Variants in SLC25A21 observed in about 807,000 individuals in gnomAD.
The protein encoded by SLC25A21 is solute carrier family 25 member 21.
Under a neutral mutation model 43.8 loss-of-function variants are expected in SLC25A21, and 47 were observed. The ratio of observed to expected loss-of-function variants is 1.07; its 90% confidence interval spans 0.85 to 1.37. The LOEUF (loss-of-function observed/expected upper bound fraction) is 1.37, where lower values mean the gene tolerates loss of function less well. Among genes scored for constraint, SLC25A21 ranks in the 40% most tolerant of loss-of-function variants. The pLI is 0.00. For synonymous variants in SLC25A21, 131 were observed against 121.3 expected, an observed-to-expected ratio of 1.08 and a Z score of -0.52; for missense variants, 352 against 350.2, an observed-to-expected ratio of 1.00 and a Z score of -0.04.
chr14:36,941,797 T>C (rs1475042958), intron 1 of SLC25A21, among the ~76,000 whole-genome samples: 2 of 152,044 alleles, frequency 1.3e-5, no homozygotes, highest in Non-Finnish European at 2.9e-5. Context: ...AATAAAATAC[T>C]TAAATACATA....
intron 1 of SLC25A21, among the ~76,000 whole-genome samples, chr14:37,037,912 T>C (rs551279215): frequency 6.6e-6 from 1 of 152,240 alleles, no homozygotes; most frequent in South Asian, 2.1e-4. Flanking sequence ...CTTGGGAAAA[T>C]GGTTCTGTAT....
At chr14:36,994,777 C>T (rs1206838116) in intron 1 of SLC25A21, among the ~76,000 whole-genome samples, 1 of 152,128 alleles carries the variant, frequency 6.6e-6, no homozygotes, top group East Asian at 1.9e-4. Context: ...CACGAACCTC[C>T]TGCCTAGCAC....
Position 36,917,555 on chromosome 14 carries a change from C to T in SLC25A21, c.71-42551G>A, listed in dbSNP as rs192525856. On this transcript the variant is annotated intron_variant, in intron 1 of 9. Coordinates refer to ENST00000331299, the MANE Select transcript of SLC25A21 (RefSeq NM_030631.4). The stretch of plus-strand genomic sequence containing the variant: ...ATATTTTTTTCTTCAGCAACTACCA[C>T]ATGCATGGTGCATAGGAGGCAATTT... Among the ~76,000 whole-genome samples the T allele has an allele frequency of 1.7e-3, 256 of 152,246 alleles. 6 individuals are homozygous for T. The highest frequency in any genetic ancestry group is 0.014 in the Admixed American group (215 of 15,276).
At chr14:37,001,207 C>A (rs561699497) in intron 1 of SLC25A21, among the ~76,000 whole-genome samples, 2 of 152,264 alleles carry the variant, frequency 1.3e-5, no homozygotes, top group South Asian at 2.1e-4. Flanking sequence ...GTAGCTTCAG[C>A]ACATAGAATT....
chr14:36,711,541 A>C, intron 6 of SLC25A21, 59 bp from the exon 7 acceptor site: 3 of 1,523,510 alleles, frequency 2.0e-6, no homozygotes, highest in Non-Finnish European at 2.7e-6. Context: ...AATACAGTAA[A>C]TTACCGTATT....
chr14:37,096,796 T>A (rs1444959211), intron 1 of SLC25A21, among the ~76,000 whole-genome samples: 1 of 152,160 alleles, frequency 6.6e-6, no homozygotes, highest in Non-Finnish European at 1.5e-5. Flanking sequence ...TGGTTGACTT[T>A]CCTCAAAACA....
At chr14:36,712,586 G>A (rs1202146861) in intron 6 of SLC25A21, among the ~76,000 whole-genome samples, 1 of 152,120 alleles carries the variant, frequency 6.6e-6, no homozygotes, top group East Asian at 1.9e-4. Context: ...ATTTAAATGA[G>A]CTTGTTTATA....
At chr14:36,956,083 C>T (rs927952529) in intron 1 of SLC25A21, among the ~76,000 whole-genome samples, 3 of 152,142 alleles carry the variant, frequency 2.0e-5, no homozygotes, top group Non-Finnish European at 4.4e-5. Context: ...ATACCCCCCA[C>T]TATATACGTA....
At chr14:37,032,942 A>G (rs1287932078) in intron 1 of SLC25A21, among the ~76,000 whole-genome samples, 1 of 152,230 alleles carries the variant, frequency 6.6e-6, no homozygotes, top group African/African-American at 2.4e-5. Context: ...GAGATTTCAA[A>G]TAAAGTTTTC....
At chr14:36,840,604 T>A (rs1399343021) in intron 2 of SLC25A21, among the ~76,000 whole-genome samples, 1 of 152,220 alleles carries the variant, frequency 6.6e-6, no homozygotes, top group Non-Finnish European at 1.5e-5. Flanking sequence ...AAATGTATCA[T>A]CCTTCAAATG....
intron 1 of SLC25A21, among the ~76,000 whole-genome samples, chr14:36,916,622 A>C (rs557291286): frequency 1.5e-4 from 23 of 152,284 alleles, no homozygotes; most frequent in Non-Finnish European, 2.6e-4. Context: ...AAATGACATA[A>C]ATTTAAAAGT....
intron 1 of SLC25A21, among the ~76,000 whole-genome samples, chr14:37,023,649 C>T (rs189121838): frequency 3.9e-5 from 6 of 152,072 alleles, no homozygotes; most frequent in Admixed American, 3.9e-4. Context: ...CCTTTACAAT[C>T]TCAAGTGCAA....
In SLC25A21 at chr14:36,840,860, G is replaced by A. The variant is rs116301589; in HGVS notation, c.120-26859C>T. Among the ~76,000 whole-genome samples, 388 of 152,264 alleles carry A rather than the reference G, an allele frequency of 2.5e-3. 3 individuals carry two copies. The highest frequency in any genetic ancestry group is 9.1e-3 in the African/African-American group (378 of 41,550). The stretch of plus-strand genomic sequence containing the variant: ...GCATGGGACATCACGGAAAAGAGCG[G>A]CAGCTGCTATATTTGTTTTTCAGGG... On this transcript the variant is annotated intron_variant, in intron 2 of 9. Coordinates refer to ENST00000331299, the MANE Select transcript of SLC25A21 (RefSeq NM_030631.4).
At chr14:36,711,533 T>C (rs1248730144) in intron 6 of SLC25A21, 51 bp from the exon 7 acceptor site, 1 of 1,552,900 alleles carries the variant, frequency 6.4e-7, no homozygotes, top group African/African-American at 1.4e-5. Flanking sequence ...GACTGTGGAA[T>C]ACAGTAAATT....
Position 37,085,298 on chromosome 14 carries a change from A to T in SLC25A21, c.70+86983T>A, listed in dbSNP as rs74549689. Reference sequence around the variant, plus strand: ...CAGCCTTATTTTCTCCAACTCTATGATTATCTGATGTTAGATTATTTATTT... The same window carrying T: ...CAGCCTTATTTTCTCCAACTCTATGTTTATCTGATGTTAGATTATTTATTT... On this transcript the variant is annotated intron_variant, in intron 1 of 9. Transcript: ENST00000331299. Among the ~76,000 whole-genome samples the T allele has an allele frequency of 0.019, 2,905 of 152,196 alleles. 201 individuals carry two copies. The East Asian group carries it at 0.26, about 14-fold the overall frequency.
chr14:37,089,670 G>T (rs999305481), intron 1 of SLC25A21, among the ~76,000 whole-genome samples: 3 of 152,258 alleles, frequency 2.0e-5, no homozygotes, highest in African/African-American at 7.2e-5. Context: ...TTGTCACAAG[G>T]CAAAGGCTCA....
At chr14:36,694,517 A>T (rs1882934166) in intron 7 of SLC25A21, among the ~76,000 whole-genome samples, 1 of 152,106 alleles carries the variant, frequency 6.6e-6, no homozygotes, top group African/African-American at 2.4e-5. Flanking sequence ...ACTAATTTAC[A>T]CTCCCACCAA....
intron 1 of SLC25A21, among the ~76,000 whole-genome samples, chr14:37,163,099 C>G (rs1271810741): frequency 1.4e-5 from 2 of 147,344 alleles, no homozygotes; most frequent in African/African-American, 5.1e-5. Flanking sequence ...AATGAGAACA[C>G]ATGGACACAG....
chr14:36,916,499 T>C (rs1426398074), intron 1 of SLC25A21, among the ~76,000 whole-genome samples: 5 of 152,160 alleles, frequency 3.3e-5, no homozygotes, highest in East Asian at 1.9e-4. Context: ...TTCATTTAAA[T>C]CCACTATTTA....
Sources: allele counts gnomAD v4.1 joint callset (sites outside exome capture counted in the v4.1 genomes callset), GRCh38; gene constraint gnomAD v4.1.1; transcripts MANE v1.5; gene names NCBI Gene and HGNC (gene_info 2026-07-23, HGNC 2026-07-21).